Variants in KDM4C observed in about 807,000 individuals in gnomAD.
KDM4C encodes lysine-specific demethylase 4C.
In KDM4C, 81 loss-of-function variants were observed where a neutral mutation model predicts 129.3. That is an observed-to-expected ratio of 0.63 (90% CI 0.52 to 0.75). The LOEUF (loss-of-function observed/expected upper bound fraction) is 0.75. Ranked by LOEUF, KDM4C falls within the 30% of genes least tolerant of loss-of-function variation. KDM4C has a pLI of 0.00. For synonymous variants in KDM4C, 573 were observed against 456.1 expected, an observed-to-expected ratio of 1.26 and a Z score of -3.26; for missense variants, 1,457 against 1,304.0, an observed-to-expected ratio of 1.12 and a Z score of -1.81.
chr9:6,868,114 A>G lies in KDM4C; in HGVS notation c.630-11898A>G, dbSNP rs370764704. Among the ~76,000 whole-genome samples the G allele has an allele frequency of 5.9e-5, 9 of 152,192 alleles. No individual in the cohort carries two copies. In the East Asian group the frequency reaches 1.2e-3, roughly 20 times the overall value. On this transcript the variant is annotated intron_variant, in intron 5 of 21. Coordinates refer to ENST00000381309, the MANE Select transcript of KDM4C (RefSeq NM_015061.6). ...TGTGGTGAGAAGCTTTCTCGCACCA[A>G]ACCCTCCCTGGAGGCACCTTGTAGA... is the stretch of plus-strand genomic sequence containing the variant.
intron 17 of KDM4C, among the ~76,000 whole-genome samples, chr9:7,089,083 AAG>A (rs1450636064): frequency 6.6e-6 from 1 of 152,198 alleles, no homozygotes; most frequent in Non-Finnish European, 1.5e-5. Context: ...AGGAAGGAAA[AAG>A]AAAAATATTA....
chr9:6,922,778 T>C (rs576766190), intron 8 of KDM4C, among the ~76,000 whole-genome samples: 7 of 152,246 alleles, frequency 4.6e-5, no homozygotes, highest in South Asian at 4.2e-4. Flanking sequence ...TTCCAACATA[T>C]CCTCAAGCAG....
At chr9:7,167,062 C>G (rs537796376) in intron 20 of KDM4C, among the ~76,000 whole-genome samples, 1 of 152,100 alleles carries the variant, frequency 6.6e-6, no homozygotes, top group Non-Finnish European at 1.5e-5. Context: ...TAGGCATATG[C>G]GTTTTTTGAC....
intron 17 of KDM4C, among the ~76,000 whole-genome samples, chr9:7,069,629 T>C (rs559673399): frequency 4.6e-5 from 7 of 152,386 alleles, no homozygotes; most frequent in Admixed American, 1.3e-4. Flanking sequence ...TTACTTCTTA[T>C]GTAATTATAG....
intron 8 of KDM4C, among the ~76,000 whole-genome samples, chr9:6,964,109 C>CT (rs1226283849): frequency 6.6e-6 from 1 of 152,094 alleles, no homozygotes; most frequent in East Asian, 1.9e-4. Flanking sequence ...TTCAGTTATA[C>CT]TTTAAGTTCT....
intron 18 of KDM4C, among the ~76,000 whole-genome samples, chr9:7,109,879 A>C (rs763113875): frequency 6.6e-6 from 1 of 152,180 alleles, no homozygotes; most frequent in Non-Finnish European, 1.5e-5. Context: ...AGGGCAGTCC[A>C]GGTAGAGGTA....
chr9:6,834,835 C>T (rs1835574380), intron 4 of KDM4C: 7 of 1,381,908 alleles, frequency 5.1e-6, no homozygotes, highest in Non-Finnish European at 7.2e-6. Flanking sequence ...TTGAGACCTT[C>T]ATCACCCCAG....
intron 15 of KDM4C, among the ~76,000 whole-genome samples, chr9:7,036,054 G>C (rs1827591786): frequency 2.0e-5 from 3 of 152,218 alleles, no homozygotes; most frequent in South Asian, 4.1e-4. Flanking sequence ...GGATTGCATT[G>C]AATCTGTAGA....
intron 3 of KDM4C, among the ~76,000 whole-genome samples, chr9:6,812,453 A>G (rs996083392): frequency 1.3e-5 from 2 of 152,002 alleles, no homozygotes; most frequent in African/African-American, 2.4e-5. Context: ...GTGGAAGATA[A>G]TTTTTCTATG....
At chr9:7,082,685 C>T (rs964153493) in intron 17 of KDM4C, among the ~76,000 whole-genome samples, 1 of 152,100 alleles carries the variant, frequency 6.6e-6, no homozygotes, top group Admixed American at 6.5e-5. Context: ...TGTTGTCACG[C>T]GTGGCTCCAA....
chr9:6,910,632 A>G (rs1047602365), intron 8 of KDM4C, among the ~76,000 whole-genome samples: 1 of 152,226 alleles, frequency 6.6e-6, no homozygotes, highest in Non-Finnish European at 1.5e-5. Flanking sequence ...GTTTTAAACT[A>G]TGCAAATTAG....
intron 1 of KDM4C, among the ~76,000 whole-genome samples, chr9:6,791,693 G>A (rs924656873): frequency 6.6e-6 from 1 of 151,960 alleles, no homozygotes; most frequent in Non-Finnish European, 1.5e-5. Flanking sequence ...CTGGTATATA[G>A]AAGCAACATC....
At chr9:6,999,942 C>T (rs1820430277) in intron 12 of KDM4C, among the ~76,000 whole-genome samples, 1 of 152,106 alleles carries the variant, frequency 6.6e-6, no homozygotes, top group African/African-American at 2.4e-5. Context: ...TATTACTATA[C>T]TTTCATAATA....
chr9:7,052,894 A>AGAGATAGAGAGAGAGAGAGAGAGC lies in KDM4C; in HGVS notation c.2424+3698_2424+3699insTAGAGAGAGAGAGAGAGAGCGAGA, dbSNP rs1830364408. ...GAGAGAGAGAGAGAGAGAGAGAGAG[A>AGAGATAGAGAGAGAGAGAGAGAGC]GAGAGAGCGAGCGAGTGCCCAAGGG... On this transcript the variant is annotated intron_variant, in intron 17 of 21. Coordinates refer to ENST00000381309, the MANE Select transcript of KDM4C (RefSeq NM_015061.6). Among the ~76,000 whole-genome samples the AGAGATAGAGAGAGAGAGAGAGAGC allele has an allele frequency of 8.5e-5, 9 of 105,468 alleles. 1 individual carries two copies. Among genetic ancestry groups the AGAGATAGAGAGAGAGAGAGAGAGC allele is most frequent in the Non-Finnish European group, 1.4e-4 (7 of 49,280 alleles). 69.2% of individuals were successfully genotyped at this position (105,468 alleles called of 152,430 possible).
upstream of KDM4C, chr9:6,757,602 C>A: frequency 1.0e-6 from 1 of 984,242 alleles, no homozygotes; most frequent in Non-Finnish European, 1.2e-6. Flanking sequence ...CGAGGCTCCA[C>A]CCCGGTAACG....
intron 12 of KDM4C, among the ~76,000 whole-genome samples, chr9:7,001,073 C>G (rs73399825): frequency 2.0e-5 from 3 of 152,160 alleles, no homozygotes; most frequent in Non-Finnish European, 4.4e-5. Context: ...AGGTGGCTCT[C>G]TTTATCAGCA....
chr9:7,061,465 G>A lies in KDM4C; in HGVS notation c.2424+12265G>A, dbSNP rs1362773323. 5.3e-5 allele frequency among the ~76,000 whole-genome samples: 8 copies of A among 152,186 alleles called. No individual in the cohort carries two copies. In the South Asian group the frequency reaches 6.2e-4, roughly 12 times the overall value. On this transcript the variant is annotated intron_variant, in intron 17 of 21. Transcript: ENST00000381309. ...TGGTTGCTTGCCCATTTTTAATAAC[G>A]GGAGCTGAGCAGAAGCCTGGTGCTG... is the stretch of plus-strand genomic sequence containing the variant.
At chr9:7,137,247 C>G (rs1166613729) in intron 19 of KDM4C, among the ~76,000 whole-genome samples, 1 of 152,222 alleles carries the variant, frequency 6.6e-6, no homozygotes, top group Non-Finnish European at 1.5e-5. Flanking sequence ...GTGGCCTTGG[C>G]AGGCTTACCC....
chr9:7,083,578 T>C (rs188271207), intron 17 of KDM4C, among the ~76,000 whole-genome samples: 94 of 152,316 alleles, frequency 6.2e-4, no homozygotes, highest in Non-Finnish European at 1.1e-3. Context: ...TAGGCAGTTA[T>C]AACACAATGC....
Sources: allele counts gnomAD v4.1 joint callset (sites outside exome capture counted in the v4.1 genomes callset), GRCh38; gene constraint gnomAD v4.1.1; transcripts MANE v1.5; gene names NCBI Gene and HGNC (gene_info 2026-07-23, HGNC 2026-07-21).